Variants in LMAN1 observed in about 807,000 individuals in gnomAD.
LMAN1 encodes protein ERGIC-53.
Under a neutral mutation model 67.8 loss-of-function variants are expected in LMAN1, and 32 were observed. The observed-to-expected ratio is 0.47, with a 90% CI of 0.36 to 0.63. The LOEUF (loss-of-function observed/expected upper bound fraction) is 0.63, where lower values mean the gene tolerates loss of function less well. Ranked by LOEUF, LMAN1 falls within the 30% of genes least tolerant of loss-of-function variation. The pLI is 0.00. For missense variants in LMAN1, 632 were observed against 628.2 expected (o/e 1.01, Z -0.06); for synonymous variants, 235 against 219.3 (o/e 1.07, Z -0.63).
Position 59,355,400 on chromosome 18 carries a change from A to G in LMAN1, c.390T>C (p.Asn130=). ...ADGLAIWYAE[N]QGLEGPVFGS... ...CAAACACAGGGCCCTCCAAGCCTTG[A>G]TTTTCTGCATACCAAATTGCCTGAA... The change falls in exon 3 of 13, where the codon AAT becomes AAC. Residue 130 remains asparagine (N), a synonymous_variant. Coordinates refer to ENST00000251047, the MANE Select transcript of LMAN1 (RefSeq NM_005570.4). 6.2e-7 allele frequency: 1 copy of G among 1,614,070 alleles called. No homozygotes were observed. The highest frequency in any genetic ancestry group is 1.1e-5 in the South Asian group (1 of 91,078).
chr18:59,338,088 A>G (rs904933841), intron 10 of LMAN1, among the ~76,000 whole-genome samples: 1 of 152,226 alleles, frequency 6.6e-6, no homozygotes, highest in African/African-American at 2.4e-5. Context: ...TCTGAGAGTA[A>G]AAGATGGGAA....
chr18:59,344,412 T>C (rs1044704669), intron 8 of LMAN1, among the ~76,000 whole-genome samples: 5 of 152,220 alleles, frequency 3.3e-5, no homozygotes, highest in African/African-American at 4.8e-5. Context: ...AACAGAGAAC[T>C]TGATAAAGAA....
Position 59,355,676 on chromosome 18 carries a change from G to A in LMAN1, c.215-18C>T. The stretch of plus-strand genomic sequence containing the variant: ...AATAGCATCTAGAACAGAAATCAGG[G>A]GAAAAAAGCTTTAAGTTATAATTAG... On this transcript the variant is annotated intron_variant, in intron 1 of 12. Transcript: ENST00000251047. The A allele has an allele frequency of 1.2e-6, 2 of 1,611,432 alleles. No individual in the cohort carries two copies. The highest frequency in any genetic ancestry group is 1.7e-6 in the Non-Finnish European group (2 of 1,179,538).
At chr18:59,347,427 G>T (rs1330791055) in intron 7 of LMAN1, 86 bp downstream of exon 7, 7 of 755,976 alleles carry the variant, frequency 9.3e-6, no homozygotes, top group East Asian at 4.3e-5. Flanking sequence ...GCAGAAACAA[G>T]ATCCAAACCT....
intron 8 of LMAN1, among the ~76,000 whole-genome samples, chr18:59,340,708 C>A (rs1383639802): frequency 6.6e-6 from 1 of 151,930 alleles, no homozygotes; most frequent in Non-Finnish European, 1.5e-5. Context: ...AATAAAAGTT[C>A]TTATAAAACA....
intron 5 of LMAN1, among the ~76,000 whole-genome samples, 157 bp from the exon 6 acceptor site, chr18:59,349,393 A>G (rs1908492577): frequency 6.6e-6 from 1 of 152,212 alleles, no homozygotes; most frequent in African/African-American, 2.4e-5. Flanking sequence ...AATATATTTT[A>G]CTTAAAAAAA....
In LMAN1 at chr18:59,330,787, G is replaced by A. The variant is rs899909925; in HGVS notation, c.*306C>T. ...AAACCTGCAATATTGGAGACTTAGG[G>A]GGTAACATTCATATCCAGGGGTTGC... On this transcript the variant is annotated 3_prime_UTR_variant, in exon 13 of 13. Transcript: ENST00000251047. The A allele has an allele frequency of 2.9e-6, 1 of 343,286 alleles. No homozygotes were observed. The highest frequency in any genetic ancestry group is 5.3e-6 in the Non-Finnish European group (1 of 187,564). 21.3% of individuals were successfully genotyped at this position (343,286 alleles called of 1,614,324 possible).
At chr18:59,331,678 C>T (rs1364903533) in intron 11 of LMAN1, 139 bp from the exon 12 acceptor site, 2 of 938,172 alleles carry the variant, frequency 2.1e-6, no homozygotes. Flanking sequence ...CCTTCTATCC[C>T]CTTAACTTTT....
intron 1 of LMAN1, among the ~76,000 whole-genome samples, chr18:59,358,497 G>A (rs1908712396): frequency 6.6e-6 from 1 of 152,064 alleles, no homozygotes; most frequent in East Asian, 1.9e-4. Context: ...ACTACTATAT[G>A]CCATCTCAGG....
chr18:59,340,148 G>A (rs1908254432), intron 8 of LMAN1, among the ~76,000 whole-genome samples: 1 of 152,056 alleles, frequency 6.6e-6, no homozygotes, highest in Non-Finnish European at 1.5e-5. Context: ...TTTCATGCTG[G>A]GCTGTGCCCT....
intron 3 of LMAN1, 35 bp from the exon 4 acceptor site, chr18:59,354,615 T>G: frequency 9.4e-7 from 1 of 1,065,408 alleles, no homozygotes; most frequent in Non-Finnish European, 1.5e-6. Context: ...AAAATGTCTT[T>G]AATCAAAGCA....
rs1359535147 is a variant in LMAN1, at chr18:59,330,241, A to T, written c.*852T>A. 6.6e-6 allele frequency: 1 copy of T among 152,604 alleles called. No homozygotes were observed. Among genetic ancestry groups the T allele is most frequent in the Non-Finnish European group, 1.5e-5 (1 of 68,014 alleles). The allele number at this position is 152,604 out of a possible 1,614,324, so 9.5% of individuals were successfully genotyped here. On this transcript the variant is annotated 3_prime_UTR_variant, in exon 13 of 13. Coordinates refer to ENST00000251047, the MANE Select transcript of LMAN1 (RefSeq NM_005570.4). ...TGAATTTAAATCCTCAGATCATGCA[A>T]TTTGAGCTGAATTTACATGCTGTAG...
intron 3 of LMAN1, among the ~76,000 whole-genome samples, chr18:59,354,848 T>C (rs886082381): frequency 6.6e-6 from 1 of 152,244 alleles, no homozygotes; most frequent in African/African-American, 2.4e-5. Flanking sequence ...TGTAAGTACA[T>C]TTTGATCTTA....
chr18:59,339,574 G>A (rs1173004115), intron 8 of LMAN1, among the ~76,000 whole-genome samples: 1 of 152,162 alleles, frequency 6.6e-6, no homozygotes, highest in Non-Finnish European at 1.5e-5. Context: ...CAGAGATGTT[G>A]CTCCATAAAG....
At chr18:59,348,761 G>A (rs1167223960) in intron 6 of LMAN1, among the ~76,000 whole-genome samples, 1 of 152,210 alleles carries the variant, frequency 6.6e-6, no homozygotes, top group African/African-American at 2.4e-5. Context: ...GATGTGACTA[G>A]CCAAGACTGC....
chr18:59,353,115 G>T (rs1040726735), intron 5 of LMAN1, 87 bp downstream of exon 5: 2 of 1,150,036 alleles, frequency 1.7e-6, no homozygotes, highest in Non-Finnish European at 2.6e-6. Flanking sequence ...CCAAATTTAA[G>T]TGCATTTAAT....
Position 59,349,106 on chromosome 18 carries a change from G to T in LMAN1, c.763+7C>A, listed in dbSNP as rs368807939. ...AACTTTTAATATCATCAGACTGCAA[G>T]ATTTACCTGCAAGACCTCCAGTTGC... On this transcript the variant is annotated splice_region_variant and intron_variant, in intron 6 of 12. Transcript: ENST00000251047. The T allele has an allele frequency of 1.1e-5, 18 of 1,613,800 alleles. No homozygotes were observed. In the African/African-American group the frequency reaches 2.1e-4, roughly 19 times the overall value.
At chr18:59,336,418 A>G (rs1908148829) in intron 10 of LMAN1, among the ~76,000 whole-genome samples, 1 of 152,206 alleles carries the variant, frequency 6.6e-6, no homozygotes, top group Admixed American at 6.5e-5. Flanking sequence ...TACCTGAAAC[A>G]ATTTGAGCAG....
intron 5 of LMAN1, among the ~76,000 whole-genome samples, chr18:59,350,472 T>C (rs1027734410): frequency 1.3e-5 from 2 of 152,166 alleles, no homozygotes; most frequent in Admixed American, 6.5e-5. Flanking sequence ...TGAGTCTTCA[T>C]TGTCTAGTTC....
Sources: gnomAD v4.1 joint callset for allele counts (sites outside exome capture counted in the v4.1 genomes callset) on GRCh38, gnomAD v4.1.1 for gene constraint, MANE v1.5 for transcripts, NCBI Gene and HGNC (gene_info 2026-07-23, HGNC 2026-07-21) for gene names.